The following CDH13 variants were observed in gnomAD, a reference collection of about 807,000 sequenced individuals.
CDH13 encodes cadherin-13.
In CDH13, 24 loss-of-function variants were observed where a neutral mutation model predicts 63.8. The ratio of observed to expected loss-of-function variants is 0.38; its 90% CI spans 0.27 to 0.53. The LOEUF (loss-of-function observed/expected upper bound fraction) is 0.53. CDH13 is among the 20% of genes least tolerant of loss of function. The pLI, the probability that CDH13 is intolerant of heterozygous loss-of-function variation, is 0.85. For synonymous variants in CDH13, 503 were observed against 355.3 expected, an observed-to-expected ratio of 1.42 and a Z score of -4.67; for missense variants, 1,049 against 903.1, an observed-to-expected ratio of 1.16 and a Z score of -2.07.
rs555470739 is a variant in CDH13, at chr16:83,726,803, G to T, written c.1539-21305G>T. Among the ~76,000 whole-genome samples, 5 of 149,212 alleles carry T rather than the reference G, an allele frequency of 3.4e-5. No homozygotes were observed. The South Asian group carries it at 6.5e-4, about 19-fold the overall frequency. ...TAGTGAGCGGAGATGGCGCCACTGC[G>T]CTCCAGCCTGGGGCGACAGAGCAAG... On this transcript the variant is annotated intron_variant, in intron 10 of 13. Transcript: ENST00000567109.
Position 82,673,105 on chromosome 16 carries a change from A to G in CDH13, c.45+45968A>G, listed in dbSNP as rs180681972. Among the ~76,000 whole-genome samples, 37 of 143,048 alleles carry G rather than the reference A, an allele frequency of 2.6e-4. No individual in the cohort carries two copies. In the East Asian group the frequency reaches 7.3e-3, roughly 28 times the overall value. 93.8% of individuals were successfully genotyped at this position (143,048 alleles called of 152,430 possible). A position where few individuals can be genotyped will look rare whatever the true frequency, so the allele number is the denominator to read the frequency against. On this transcript the variant is annotated intron_variant, in intron 1 of 13. Coordinates refer to ENST00000567109, the MANE Select transcript of CDH13 (RefSeq NM_001257.5). ...AATCTTTCCACCTTGGCCTTACAGAATGCTGGGATTATAGGCATCAGTCAC... is the reference window on the plus strand; with the variant it reads ...AATCTTTCCACCTTGGCCTTACAGAGTGCTGGGATTATAGGCATCAGTCAC...
At chr16:82,770,774 C>G (rs1597519487) in intron 1 of CDH13, among the ~76,000 whole-genome samples, 1 of 152,260 alleles carries the variant, frequency 6.6e-6, no homozygotes, top group East Asian at 1.9e-4. Context: ...GTGGCGTGAT[C>G]TCGGCTCACT....
At chr16:83,190,052 C>T (rs924698030) in intron 4 of CDH13, among the ~76,000 whole-genome samples, 1 of 152,192 alleles carries the variant, frequency 6.6e-6, no homozygotes, top group Non-Finnish European at 1.5e-5. Flanking sequence ...AATTAAACCT[C>T]TTTCCTTTAT....
chr16:83,617,344 A>G (rs1909370716), intron 8 of CDH13, among the ~76,000 whole-genome samples: 1 of 152,170 alleles, frequency 6.6e-6, no homozygotes, highest in Non-Finnish European at 1.5e-5. Flanking sequence ...TGCTGCGTAT[A>G]AGTAATACTC....
At chr16:83,505,781 G>A (rs1255054694) in intron 7 of CDH13, among the ~76,000 whole-genome samples, 1 of 152,066 alleles carries the variant, frequency 6.6e-6, no homozygotes, top group Non-Finnish European at 1.5e-5. Flanking sequence ...GACCTCAGGT[G>A]ATCCACCTGC....
intron 3 of CDH13, among the ~76,000 whole-genome samples, chr16:83,069,078 G>T (rs2032244441): frequency 6.6e-6 from 1 of 152,080 alleles, no homozygotes; most frequent in Non-Finnish European, 1.5e-5. Context: ...AAATCCCAAA[G>T]GCATGTCTTT....
intron 1 of CDH13, among the ~76,000 whole-genome samples, chr16:82,654,776 G>A (rs761475491): frequency 1.3e-5 from 2 of 151,932 alleles, no homozygotes; most frequent in Non-Finnish European, 2.9e-5. Flanking sequence ...GTACAGAAAG[G>A]ATGAGGGCAG....
chr16:83,044,597 C>T (rs981391499), intron 3 of CDH13, among the ~76,000 whole-genome samples: 9 of 152,208 alleles, frequency 5.9e-5, no homozygotes, highest in African/African-American at 1.9e-4. Context: ...CTAGAGAAAA[C>T]GTCTTGCGTT....
In CDH13 at chr16:83,634,299, G is replaced by A. The variant is rs76733208; in HGVS notation, c.1101+31705G>A. On this transcript the variant is annotated intron_variant, in intron 8 of 13. Coordinates refer to ENST00000567109, the MANE Select transcript of CDH13 (RefSeq NM_001257.5). ...GTATTAACCTTCCCCTTACTCTTGG[G>A]CTTCTCCCCTGGCAATTATTAACCT... 4.6e-5 allele frequency among the ~76,000 whole-genome samples: 7 copies of A among 152,088 alleles called. No individual in the cohort carries two copies. In the East Asian group the frequency reaches 1.3e-3, roughly 29 times the overall value.
intron 1 of CDH13, among the ~76,000 whole-genome samples, chr16:82,760,833 A>C (rs531988682): frequency 6.6e-6 from 1 of 151,916 alleles, no homozygotes; most frequent in East Asian, 1.9e-4. Flanking sequence ...TGAGAGAGAG[A>C]GCAAGAGAGA....
intron 4 of CDH13, among the ~76,000 whole-genome samples, chr16:83,192,446 C>G (rs2038748699): frequency 1.3e-5 from 2 of 152,160 alleles, no homozygotes; most frequent in African/African-American, 4.8e-5. Flanking sequence ...TTTGACATTT[C>G]TGGATATGAT....
chr16:83,755,591 A>G (rs547077352), intron 11 of CDH13, among the ~76,000 whole-genome samples: 1 of 152,348 alleles, frequency 6.6e-6, no homozygotes, highest in South Asian at 2.1e-4. Context: ...CAAATGAGCT[A>G]CAATATGACT....
intron 1 of CDH13, among the ~76,000 whole-genome samples, chr16:82,756,838 C>T (rs2034629792): frequency 6.6e-6 from 1 of 152,196 alleles, no homozygotes; most frequent in Non-Finnish European, 1.5e-5. Context: ...GTCACCAATG[C>T]ATGACTATCA....
intron 5 of CDH13, among the ~76,000 whole-genome samples, chr16:83,287,757 T>C (rs1049502104): frequency 6.6e-6 from 1 of 152,084 alleles, no homozygotes; most frequent in Non-Finnish European, 1.5e-5. Flanking sequence ...CCCCAAGTCA[T>C]CCCCTCACCT....
rs2073561912 is a variant in CDH13 at position 83,474,908 on chromosome 16, C to T, written c.782-11569C>T. The stretch of plus-strand genomic sequence containing the variant: ...TGGAGGAGCCAAGTGTTCAGTGAGC[C>T]GGTGCAGTTCTGGGGCCATAATGAT... On this transcript the variant is annotated intron_variant, in intron 6 of 13. Transcript: ENST00000567109. 2.0e-5 allele frequency among the ~76,000 whole-genome samples: 3 copies of T among 152,288 alleles called. No homozygotes were observed. The South Asian group carries it at 6.2e-4, about 32-fold the overall frequency.
intron 1 of CDH13, among the ~76,000 whole-genome samples, chr16:82,801,783 A>C (rs954183730): frequency 3.3e-5 from 5 of 152,350 alleles, no homozygotes; most frequent in Admixed American, 6.5e-5. Flanking sequence ...TGTTGAATCT[A>C]TACAGGTGTA....
At chr16:82,978,550 G>A (rs1909833329) in intron 2 of CDH13, among the ~76,000 whole-genome samples, 1 of 152,218 alleles carries the variant, frequency 6.6e-6, no homozygotes, top group South Asian at 2.1e-4. Context: ...AGCTAAAAGA[G>A]GCCAAGGTAC....
chr16:82,738,154 T>G (rs866935911), intron 1 of CDH13, among the ~76,000 whole-genome samples: 21 of 152,252 alleles, frequency 1.4e-4, no homozygotes, highest in Non-Finnish European at 1.3e-4. Flanking sequence ...GGGCTAAGAG[T>G]TAGTCTGCTC....
chr16:83,689,363 C>G (rs1904620492), intron 10 of CDH13, among the ~76,000 whole-genome samples: 2 of 151,930 alleles, frequency 1.3e-5, no homozygotes, highest in Admixed American at 1.3e-4. Flanking sequence ...TTGAAAAAGC[C>G]ACACATTTCA....
Sources: allele counts gnomAD v4.1 joint callset (sites outside exome capture counted in the v4.1 genomes callset), GRCh38; gene constraint gnomAD v4.1.1; transcripts MANE v1.5; gene names NCBI Gene and HGNC (gene_info 2026-07-23, HGNC 2026-07-21).